The following KHDRBS3 variants were observed in gnomAD, a reference collection of about 807,000 sequenced individuals.
KHDRBS3 encodes KH RNA binding domain containing, signal transduction associated 3, also known as KH domain-containing, RNA-binding, signal transduction-associated protein 3.
In KHDRBS3, 23 loss-of-function variants were observed where a neutral mutation model predicts 45.6. That is an observed-to-expected ratio of 0.50 (90% CI 0.36 to 0.72). KHDRBS3 has a LOEUF of 0.72. Among genes scored for constraint, KHDRBS3 ranks in the 30% least tolerant of loss-of-function variants. The pLI, the probability that KHDRBS3 is intolerant of heterozygous loss-of-function variation, is 0.00. For synonymous variants in KHDRBS3, 162 were observed against 156.5 expected (o/e 1.04, Z -0.26); for missense variants, 352 against 424.8 (o/e 0.83, Z 1.51).
At chr8:135,568,154 A>G (rs993322510) in intron 5 of KHDRBS3, among the ~76,000 whole-genome samples, 1 of 152,244 alleles carries the variant, frequency 6.6e-6, no homozygotes, top group Non-Finnish European at 1.5e-5. Flanking sequence ...TTTAAAGAAT[A>G]TTAAAATACT....
chr8:135,606,798 G>T (rs1829485349), intron 6 of KHDRBS3, among the ~76,000 whole-genome samples, 157 bp from the exon 7 acceptor site: 1 of 152,202 alleles, frequency 6.6e-6, no homozygotes, highest in African/African-American at 2.4e-5. Flanking sequence ...ATGTGTGGAA[G>T]TTCTTCACCA....
At chr8:135,490,268 T>A (rs1187524532) in intron 1 of KHDRBS3, among the ~76,000 whole-genome samples, 3 of 151,544 alleles carry the variant, frequency 2.0e-5, no homozygotes, top group Non-Finnish European at 4.4e-5. Flanking sequence ...TTCCCTTGCC[T>A]CCCCTTCCTC....
intron 1 of KHDRBS3, among the ~76,000 whole-genome samples, chr8:135,462,036 G>T (rs1377878519): frequency 6.6e-6 from 1 of 152,106 alleles, no homozygotes; most frequent in East Asian, 1.9e-4. Flanking sequence ...CTTAAAACTT[G>T]ATTTTTGGGG....
chr8:135,640,600 T>C (rs1254014394), intron 7 of KHDRBS3, among the ~76,000 whole-genome samples: 2 of 152,154 alleles, frequency 1.3e-5, no homozygotes, highest in African/African-American at 4.8e-5. Context: ...GATGTAAACC[T>C]CTGGGAAATC....
intron 1 of KHDRBS3, among the ~76,000 whole-genome samples, chr8:135,517,688 C>T (rs1824682284): frequency 6.6e-6 from 1 of 152,134 alleles, no homozygotes; most frequent in African/African-American, 2.4e-5. Context: ...GAGAAAAGTA[C>T]AGCATTCATG....
intron 5 of KHDRBS3, among the ~76,000 whole-genome samples, chr8:135,580,430 A>T (rs1260004532): frequency 6.6e-6 from 1 of 152,178 alleles, no homozygotes; most frequent in African/African-American, 2.4e-5. Flanking sequence ...TTTAATAGAC[A>T]TAAGCCCATT....
chr8:135,502,135 A>T (rs1316589311), intron 1 of KHDRBS3, among the ~76,000 whole-genome samples: 1 of 152,218 alleles, frequency 6.6e-6, no homozygotes, highest in African/African-American at 2.4e-5. Context: ...GGGCATTGCC[A>T]TTAGGTGCAG....
At position 135,552,148 on chromosome 8, in the gene KHDRBS3, G is replaced by A. The variant is rs539972145; in HGVS notation, c.471+3248G>A. Among the ~76,000 whole-genome samples, 19 of 152,202 alleles carry A rather than the reference G, an allele frequency of 1.2e-4. No homozygotes were observed. The South Asian group carries it at 3.9e-3, about 32-fold the overall frequency. On this transcript the variant is annotated intron_variant, in intron 4 of 8. Coordinates refer to ENST00000355849, the MANE Select transcript of KHDRBS3 (RefSeq NM_006558.3). Reference sequence around the variant, plus strand: ...TTATCCTATTTGTTGGCTAAGCTTTGTGCATCTGTAGGTTTATGTTTTTCA... The same window carrying A: ...TTATCCTATTTGTTGGCTAAGCTTTATGCATCTGTAGGTTTATGTTTTTCA...
chr8:135,555,971 T>A (rs1826863591), intron 4 of KHDRBS3, among the ~76,000 whole-genome samples: 1 of 152,096 alleles, frequency 6.6e-6, no homozygotes, highest in Non-Finnish European at 1.5e-5. Context: ...CACTTATGAG[T>A]GAGAACGTGC....
intron 3 of KHDRBS3, among the ~76,000 whole-genome samples, chr8:135,548,475 C>T (rs985401373): frequency 1.3e-5 from 2 of 151,982 alleles, no homozygotes; most frequent in Non-Finnish European, 2.9e-5. Context: ...ACCCTAGCAG[C>T]GGAAGTGAGC....
At chr8:135,620,748 C>T (rs1351192094) in intron 7 of KHDRBS3, among the ~76,000 whole-genome samples, 1 of 152,254 alleles carries the variant, frequency 6.6e-6, no homozygotes, top group South Asian at 2.1e-4. Context: ...CAACAACCCT[C>T]GGTGATTCTC....
chr8:135,536,966 C>CAAAAAAAAAAAAAAAAAAAAAAAA (rs869256475), intron 2 of KHDRBS3, among the ~76,000 whole-genome samples: 1 of 11,778 alleles, frequency 8.5e-5, no homozygotes, highest in African/African-American at 4.2e-4. Context: ...AACTCCATCT[C>CAAAAAAAAAAAAAAAAAAAAAAAA]AAAAAAAAAA....
At chr8:135,468,515 TTG>T (rs1821816657) in intron 1 of KHDRBS3, among the ~76,000 whole-genome samples, 1 of 152,182 alleles carries the variant, frequency 6.6e-6, no homozygotes, top group South Asian at 2.1e-4. Flanking sequence ...AGTAAATAGT[TTG>T]TGGGCTGTGC....
At chr8:135,642,129 G>A (rs2131186272) in intron 7 of KHDRBS3, among the ~76,000 whole-genome samples, 1 of 152,356 alleles carries the variant, frequency 6.6e-6, no homozygotes, top group Middle Eastern at 3.4e-3. Flanking sequence ...GATCATTAAA[G>A]CCCTAGGGAG....
At chr8:135,504,299 C>A (rs1247522128) in intron 1 of KHDRBS3, among the ~76,000 whole-genome samples, 3 of 152,146 alleles carry the variant, frequency 2.0e-5, no homozygotes, top group African/African-American at 7.2e-5. Flanking sequence ...AGTGCCAAAG[C>A]AAAAACAGGT....
intron 6 of KHDRBS3, among the ~76,000 whole-genome samples, chr8:135,598,676 T>C (rs1362027667): frequency 6.6e-6 from 1 of 152,232 alleles, no homozygotes; most frequent in Non-Finnish European, 1.5e-5. Flanking sequence ...TGTGATATGC[T>C]CATAGTCTAA....
chr8:135,633,456 A>G (rs1830687534), intron 7 of KHDRBS3, among the ~76,000 whole-genome samples: 2 of 152,234 alleles, frequency 1.3e-5, no homozygotes, highest in African/African-American at 4.8e-5. Flanking sequence ...TTCTAGAGCA[A>G]TGGCAAGACT....
At chr8:135,542,869 T>C in intron 3 of KHDRBS3, 99 bp downstream of exon 3, 2 of 814,154 alleles carry the variant, frequency 2.5e-6, no homozygotes, top group Non-Finnish European at 4.0e-6. Context: ...TAAGGGGATG[T>C]ATTTGTGATA....
At position 135,640,604 on chromosome 8, in the gene KHDRBS3, G is replaced by A. The variant is rs111897488; in HGVS notation, c.891-4455G>A. ...TTGATGGAATTGATGTAAACCTCTG[G>A]GAAATCCAGGAATGATGCTGAGCAC... On this transcript the variant is annotated intron_variant, in intron 7 of 8. Transcript: ENST00000355849. Among the ~76,000 whole-genome samples the A allele has an allele frequency of 4.1e-3, 622 of 152,228 alleles. 11 individuals are homozygous for A. Among genetic ancestry groups the A allele is most frequent in the African/African-American group, 0.014 (565 of 41,536 alleles).
Sources: gnomAD v4.1 joint callset for allele counts (sites outside exome capture counted in the v4.1 genomes callset) on GRCh38, gnomAD v4.1.1 for gene constraint, MANE v1.5 for transcripts, NCBI Gene and HGNC (gene_info 2026-07-23, HGNC 2026-07-21) for gene names.